GRIK3: variants seen among roughly 807,000 people sequenced by gnomAD.
GRIK3 encodes glutamate ionotropic receptor kainate type subunit 3.
Under a neutral mutation model 102.5 loss-of-function variants are expected in GRIK3, and 29 were observed. That is an observed-to-expected ratio of 0.28 (90% confidence interval 0.21 to 0.39). GRIK3 has a LOEUF of 0.39. Among genes scored for constraint, GRIK3 ranks in the 10% least tolerant of loss-of-function variants. The pLI is 1.00. For missense variants in GRIK3, 908 were observed against 1,252.4 expected, an observed-to-expected ratio of 0.73 and a Z score of 4.15; for synonymous variants, 511 against 504.9, an observed-to-expected ratio of 1.01 and a Z score of -0.16.
At chr1:36,986,477 T>TCAGC (rs1402138629) in intron 1 of GRIK3, among the ~76,000 whole-genome samples, 147 of 144,478 alleles carry the variant, frequency 1.0e-3, no homozygotes, top group African/African-American at 3.9e-3. Context: ...CATCCATCCA[T>TCAGC]CCATCCATCC....
At position 36,853,731 on chromosome 1, in the gene GRIK3, G is replaced by A. The variant is rs1212842855; in HGVS notation, c.1105-9C>T. ...AATCCTTCCCATTGAGCCTGCGGAG[G>A]GGAGAGGGCAGAGCGGCAATTCCTC... On this transcript the variant is annotated splice_polypyrimidine_tract_variant and intron_variant, in intron 7 of 15. Transcript: ENST00000373091. The A allele has an allele frequency of 1.3e-6, 2 of 1,524,774 alleles. No individual in the cohort carries two copies. The highest frequency in any genetic ancestry group is 1.8e-6 in the Non-Finnish European group (2 of 1,098,430). 94.5% of individuals were successfully genotyped at this position (1,524,774 alleles called of 1,614,324 possible). A position where few individuals can be genotyped will look rare whatever the true frequency, so the allele number is the denominator to read the frequency against.
At chr1:36,975,559 C>G (rs930774288) in intron 1 of GRIK3, among the ~76,000 whole-genome samples, 6 of 152,172 alleles carry the variant, frequency 3.9e-5, no homozygotes, top group African/African-American at 1.2e-4. Flanking sequence ...TCCCAAAGTG[C>G]CGGGATTATA....
At chr1:36,838,134 A>C (rs1640403065) in intron 10 of GRIK3, among the ~76,000 whole-genome samples, 1 of 152,202 alleles carries the variant, frequency 6.6e-6, no homozygotes, top group Admixed American at 6.5e-5. Flanking sequence ...TTTACTGAGC[A>C]CTGGGAACTT....
intron 1 of GRIK3, among the ~76,000 whole-genome samples, chr1:36,912,114 G>A (rs974418052): frequency 1.3e-5 from 2 of 152,078 alleles, no homozygotes; most frequent in South Asian, 2.1e-4. Context: ...CTTCCTCTGC[G>A]TCTCGCTTTT....
chr1:36,960,280 G>A (rs1257546227), intron 1 of GRIK3, among the ~76,000 whole-genome samples: 1 of 149,384 alleles, frequency 6.7e-6, no homozygotes, highest in Non-Finnish European at 1.5e-5. Flanking sequence ...CCGTGAGCCT[G>A]TGACCCATGA....
intron 1 of GRIK3, among the ~76,000 whole-genome samples, chr1:37,009,074 G>GTAA (rs67140478): frequency 0.029 from 4,314 of 149,132 alleles, 65 homozygotes; most frequent in Middle Eastern, 0.042. Flanking sequence ...AAATGGAGAT[G>GTAA]TAATAATAAT....
intron 1 of GRIK3, among the ~76,000 whole-genome samples, chr1:36,963,645 A>T (rs890132021): frequency 6.6e-6 from 1 of 152,098 alleles, no homozygotes; most frequent in Non-Finnish European, 1.5e-5. Context: ...CCTGCTTTTA[A>T]CTTCTATTCC....
chr1:36,804,849 C>T lies in GRIK3; in HGVS notation c.2565+138G>A. 4 of 1,136,410 alleles carry T rather than the reference C, an allele frequency of 3.5e-6. No homozygotes were observed. The South Asian group carries it at 4.5e-5, about 13-fold the overall frequency. The allele number at this position is 1,136,410 out of a possible 1,614,324, so 70.4% of individuals were successfully genotyped here. On this transcript the variant is annotated intron_variant, in intron 15 of 15. Transcript: ENST00000373091. ...TCAGGACAGAGGTAGAGTGGCAGGG[C>T]TTGCTGGCCGACTGGATGCAGGGTG...
intron 1 of GRIK3, among the ~76,000 whole-genome samples, chr1:36,963,042 G>A (rs531144040): frequency 2.0e-5 from 3 of 152,278 alleles, no homozygotes; most frequent in Non-Finnish European, 2.9e-5. Context: ...CATTCCAGGA[G>A]GAGAGAGGAA....
At chr1:36,955,441 A>G (rs1641894963) in intron 1 of GRIK3, among the ~76,000 whole-genome samples, 1 of 152,192 alleles carries the variant, frequency 6.6e-6, no homozygotes, top group Non-Finnish European at 1.5e-5. Context: ...CACACAGTGG[A>G]ACACAGGCAC....
intron 1 of GRIK3, among the ~76,000 whole-genome samples, chr1:37,007,444 C>T (rs1233524314): frequency 6.6e-6 from 1 of 152,090 alleles, no homozygotes; most frequent in Non-Finnish European, 1.5e-5. Flanking sequence ...TCTTAGAAAA[C>T]CTGCTAGAGG....
chr1:36,985,370 C>A (rs191300136), intron 1 of GRIK3, among the ~76,000 whole-genome samples: 3 of 152,240 alleles, frequency 2.0e-5, no homozygotes, highest in African/African-American at 7.2e-5. Flanking sequence ...CCTGGAGCAC[C>A]CTCCCTACCA....
chr1:36,858,327 T>C (rs1053998993), intron 7 of GRIK3, among the ~76,000 whole-genome samples: 8 of 152,328 alleles, frequency 5.3e-5, no homozygotes, highest in African/African-American at 1.9e-4. Context: ...TCACCCAAAG[T>C]CACATAGCTA....
At chr1:36,938,156 G>T (rs1641679979) in intron 1 of GRIK3, among the ~76,000 whole-genome samples, 1 of 152,208 alleles carries the variant, frequency 6.6e-6, no homozygotes, top group Non-Finnish European at 1.5e-5. Context: ...GAGATCAAGG[G>T]CAAGTGCTGA....
chr1:36,857,632 C>T (rs1342447743), intron 7 of GRIK3, among the ~76,000 whole-genome samples: 3 of 152,176 alleles, frequency 2.0e-5, no homozygotes, highest in South Asian at 2.1e-4. Flanking sequence ...GGTAGAGACG[C>T]GATCCAAAGG....
chr1:36,832,082 GCTCT>G (rs1640307869), intron 10 of GRIK3, among the ~76,000 whole-genome samples: 1 of 336 alleles, frequency 3.0e-3, no homozygotes, highest in African/African-American at 8.9e-3. Flanking sequence ...CCTGGCGACT[GCTCT>G]ACTGCTCTCA....
intron 5 of GRIK3, among the ~76,000 whole-genome samples, chr1:36,865,450 A>T (rs988398517): frequency 2.0e-5 from 3 of 152,224 alleles, no homozygotes; most frequent in African/African-American, 7.2e-5. Flanking sequence ...CAATGGGCAC[A>T]AAGAGGGAGG....
intron 2 of GRIK3, among the ~76,000 whole-genome samples, chr1:36,883,972 G>C (rs886861128): frequency 6.6e-6 from 1 of 152,236 alleles, no homozygotes; most frequent in Non-Finnish European, 1.5e-5. Context: ...TAAGGGCAAG[G>C]TGAAAGATAT....
intron 11 of GRIK3, among the ~76,000 whole-genome samples, chr1:36,821,659 C>T (rs1217630951): frequency 1.3e-5 from 2 of 152,216 alleles, no homozygotes; most frequent in African/African-American, 4.8e-5. Context: ...CCAGCCCAGG[C>T]CGACTTTGAC....
Sources: allele counts gnomAD v4.1 joint callset (sites outside exome capture counted in the v4.1 genomes callset), GRCh38; gene constraint gnomAD v4.1.1; transcripts MANE v1.5; gene names NCBI Gene and HGNC (gene_info 2026-07-23, HGNC 2026-07-21).